Variants in APOBEC1 observed in about 807,000 individuals in gnomAD.
The protein encoded by APOBEC1 is apolipoprotein B mRNA editing enzyme catalytic subunit 1.
In APOBEC1, 22 loss-of-function variants were observed where a neutral mutation model predicts 26.3. The observed-to-expected ratio is 0.84, with a 90% CI of 0.60 to 1.19. The LOEUF (loss-of-function observed/expected upper bound fraction) is 1.19. Among genes scored for constraint, APOBEC1 ranks in the 50% most tolerant of loss-of-function variants. The pLI is 0.00. For missense variants in APOBEC1, 253 were observed against 289.0 expected (o/e 0.88, Z 0.90); for synonymous variants, 77 against 95.3 (o/e 0.81, Z 1.12).
At chr12:7,667,370 C>A (rs1863905742), upstream of APOBEC1, among the ~76,000 whole-genome samples, 1 of 152,140 alleles carries the variant, frequency 6.6e-6, no homozygotes, top group African/African-American at 2.4e-5. Flanking sequence ...GCCTAAGTCT[C>A]CCTCTAGTGT....
At position 7,652,247 on chromosome 12, in the gene APOBEC1, C is replaced by T. The variant is rs762265092; in HGVS notation, c.442+191G>A. Reference sequence around the variant, plus strand: ...TTCTGGGATTATAGGCATGAGCCACCATGCGTAGCCAGGAGTTGTATTTTT... The same window carrying T: ...TTCTGGGATTATAGGCATGAGCCACTATGCGTAGCCAGGAGTTGTATTTTT... On this transcript the variant is annotated intron_variant, in intron 3 of 4. Coordinates refer to ENST00000229304, the MANE Select transcript of APOBEC1 (RefSeq NM_001644.5). 6.6e-5 allele frequency among the ~76,000 whole-genome samples: 10 copies of T among 152,290 alleles called. No homozygotes were observed. The South Asian group carries it at 1.5e-3, about 22-fold the overall frequency.
At chr12:7,657,359 A>G (rs771438665) in intron 1 of APOBEC1, among the ~76,000 whole-genome samples, 8 of 152,062 alleles carry the variant, frequency 5.3e-5, no homozygotes, top group Non-Finnish European at 1.0e-4. Context: ...GGCTTTTTGC[A>G]CCTTTAAGGC....
At chr12:7,653,164 T>C (rs1863670517) in intron 2 of APOBEC1, among the ~76,000 whole-genome samples, 1 of 152,142 alleles carries the variant, frequency 6.6e-6, no homozygotes, top group Non-Finnish European at 1.5e-5. Context: ...ACTCCTGACC[T>C]TGTGATTCGC....
intron 1 of APOBEC1, among the ~76,000 whole-genome samples, chr12:7,660,410 A>AAGAAAGAAAGAAAGAAAGAAAGAG (rs111744018): frequency 6.6e-4 from 56 of 84,224 alleles, no homozygotes; most frequent in South Asian, 1.1e-3. Flanking sequence ...GAAAGAAAGA[A>AAGAAAGAAAGAAAGAAAGAAAGAG]AGAGAGGGTA....
intron 1 of APOBEC1, among the ~76,000 whole-genome samples, chr12:7,659,932 G>A (rs1863779523): frequency 6.6e-6 from 1 of 152,086 alleles, no homozygotes; most frequent in African/African-American, 2.4e-5. Flanking sequence ...TCAAGCCACT[G>A]CACTCCAGCC....
chr12:7,652,428 C>T lies in APOBEC1; in HGVS notation c.442+10G>A. ...GTAAACAATGAAGTTTCTTTGTTTA[C>T]TGTTTTTACCTGATGCTCTCATAAT... On this transcript the variant is annotated intron_variant, in intron 3 of 4. Transcript: ENST00000229304. 6.3e-7 allele frequency: 1 copy of T among 1,593,664 alleles called. No homozygotes were observed. Among genetic ancestry groups the T allele is most frequent in the Non-Finnish European group, 8.5e-7 (1 of 1,169,974 alleles).
chr12:7,654,341 G>A (rs1296701656), intron 2 of APOBEC1, among the ~76,000 whole-genome samples: 2 of 147,710 alleles, frequency 1.4e-5, no homozygotes, highest in African/African-American at 4.9e-5. Context: ...AAAGAGAAAA[G>A]GAACAATAAA....
At position 7,649,675 on chromosome 12, in the gene APOBEC1, T is replaced by C. The variant is rs1409336223; in HGVS notation, c.583A>G (p.Ile195Val). The change falls in exon 5 of 5, where the codon ATT becomes GTT. Residue 195 changes from isoleucine to valine, a missense_variant. Physicochemically the swap from Ile to Val is conservative, Grantham distance 29 (BLOSUM62 3). Coordinates refer to ENST00000229304, the MANE Select transcript of APOBEC1 (RefSeq NM_001644.5). ...IILSLPPCLK[I>V]SRRWQNHLTF... ...AGATGATTTTGCCATCTTCTTGAAA[T>C]CTTTAAACAGGGTGGAAGACTCTGG... 4 of 1,613,198 alleles carry C rather than the reference T, an allele frequency of 2.5e-6. No individual in the cohort carries two copies. Among genetic ancestry groups the C allele is most frequent in the Non-Finnish European group, 3.4e-6 (4 of 1,179,160 alleles).
intron 1 of APOBEC1, among the ~76,000 whole-genome samples, chr12:7,662,568 G>A (rs1410492836): frequency 1.3e-5 from 2 of 152,164 alleles, no homozygotes; most frequent in African/African-American, 2.4e-5. Flanking sequence ...GGGCGACAGA[G>A]CGAGAGAGAC....
intron 3 of APOBEC1, among the ~76,000 whole-genome samples, chr12:7,651,566 T>A (rs1184440795): frequency 1.4e-5 from 2 of 146,454 alleles, no homozygotes; most frequent in Non-Finnish European, 3.0e-5. Flanking sequence ...GAGTCGAGAT[T>A]GCACCACTGC....
intron 1 of APOBEC1, among the ~76,000 whole-genome samples, chr12:7,659,735 C>T (rs372594939): frequency 6.6e-6 from 1 of 151,870 alleles, no homozygotes. Context: ...TTTGGGAGGC[C>T]GAGGTGGGCG....
rs980158989 is a variant in APOBEC1, at chr12:7,663,341, C to G, written c.16+2516G>C. On this transcript the variant is annotated intron_variant, in intron 1 of 4. Transcript: ENST00000229304. ...GAGTGGTTCTAGCTGGGGAGAAGAA[C>G]TAAAATGAGAAATTAGCCAGATATC... Among the ~76,000 whole-genome samples the G allele has an allele frequency of 2.0e-5, 3 of 151,968 alleles. No homozygotes were observed. In the South Asian group the frequency reaches 6.2e-4, roughly 32 times the overall value.
chr12:7,654,426 C>T (rs916888941), intron 2 of APOBEC1, among the ~76,000 whole-genome samples, 179 bp downstream of exon 2: 2 of 143,790 alleles, frequency 1.4e-5, no homozygotes, highest in African/African-American at 2.6e-5. Flanking sequence ...GGCTGCAGTG[C>T]AGTGGTGCAA....
rs186992386 is a variant in APOBEC1 at position 7,662,570 on chromosome 12, G to A, written c.16+3287C>T. ...TGCACTCTAGCCTGGGCGACAGAGC[G>A]AGAGAGACTCCATCTCAAAAAAAAA... On this transcript the variant is annotated intron_variant, in intron 1 of 4. Coordinates refer to ENST00000229304, the MANE Select transcript of APOBEC1 (RefSeq NM_001644.5). Among the ~76,000 whole-genome samples, 323 of 152,194 alleles carry A rather than the reference G, an allele frequency of 2.1e-3. 3 individuals carry two copies. The highest frequency in any genetic ancestry group is 7.4e-3 in the African/African-American group (306 of 41,534).
At chr12:7,653,615 C>T (rs981867840) in intron 2 of APOBEC1, among the ~76,000 whole-genome samples, 1 of 151,720 alleles carries the variant, frequency 6.6e-6, no homozygotes, top group African/African-American at 2.4e-5. Flanking sequence ...GTGTGCCCCA[C>T]CATGCCTAGC....
At chr12:7,659,559 A>G (rs1166128713) in intron 1 of APOBEC1, among the ~76,000 whole-genome samples, 1 of 151,858 alleles carries the variant, frequency 6.6e-6, no homozygotes, top group African/African-American at 2.4e-5. Context: ...CAAAACACCA[A>G]ATGCTGGTAA....
Position 7,652,474 on chromosome 12 carries a change from T to A in APOBEC1, c.406A>T (p.Asn136Tyr), listed in dbSNP as rs747219662. 84 of 1,613,824 alleles carry A rather than the reference T, an allele frequency of 5.2e-5. No individual in the cohort carries two copies. The highest frequency in any genetic ancestry group is 1.6e-4 in the Middle Eastern group (1 of 6,082). The change falls in exon 3 of 5, where the codon AAC becomes TAC. Residue 136 changes from asparagine to tyrosine, a missense_variant. Physicochemically the swap from Asn to Tyr is moderately radical, Grantham distance 143. Transcript: ENST00000229304. ...ATAATCTGAATAGTTACTCCACTGT[T>A]AACAAGGTCCCTGAGACCTTGCCGA... ...QNRQGLRDLV[N>Y]SGVTIQIMRA...
At chr12:7,668,388 G>A (rs377316732), upstream of APOBEC1, among the ~76,000 whole-genome samples, 6 of 152,120 alleles carry the variant, frequency 3.9e-5, no homozygotes, top group African/African-American at 1.4e-4. Context: ...TTCATGAAGC[G>A]GCAATAGGAA....
intron 2 of APOBEC1, 77 bp from the exon 3 acceptor site, chr12:7,652,912 CT>C (rs112046539): frequency 6.7e-6 from 7 of 1,046,086 alleles, no homozygotes; most frequent in East Asian, 5.8e-5. Flanking sequence ...CTCCCCTCTT[CT>C]TTTTTTATTT....
Sources: allele counts gnomAD v4.1 joint callset (sites outside exome capture counted in the v4.1 genomes callset), GRCh38; gene constraint gnomAD v4.1.1; transcripts MANE v1.5; gene names NCBI Gene and HGNC (gene_info 2026-07-23, HGNC 2026-07-21).